The following SHISA9 variants were observed in gnomAD, a reference collection of about 807,000 sequenced individuals.
The protein encoded by SHISA9 is protein shisa-9.
A neutral mutation model predicts 38.0 loss-of-function variants in SHISA9; 13 were observed. The observed-to-expected ratio is 0.34, with a 90% confidence interval of 0.22 to 0.54. SHISA9 has a LOEUF of 0.54. Among genes scored for constraint, SHISA9 ranks in the 20% least tolerant of loss-of-function variants. SHISA9 has a pLI of 0.91. For missense variants in SHISA9, 538 were observed against 575.8 expected, an observed-to-expected ratio of 0.93 and a Z score of 0.67; for synonymous variants, 275 against 242.0, an observed-to-expected ratio of 1.14 and a Z score of -1.27.
intron 2 of SHISA9, among the ~76,000 whole-genome samples, chr16:13,057,098 T>G (rs915323196): frequency 6.6e-6 from 1 of 152,200 alleles, no homozygotes; most frequent in African/African-American, 2.4e-5. Context: ...ATAGGCCCGC[T>G]AGCAGAGGGG....
the SHISA9 span, among the ~76,000 whole-genome samples, chr16:13,306,088 G>A: frequency 1.3e-5 from 2 of 151,966 alleles, no homozygotes; most frequent in African/African-American, 2.4e-5. Flanking sequence ...AGGATTCCAG[G>A]GCTTTGAAGT....
At chr16:13,225,213 A>T (rs988863277) in intron 4 of SHISA9, among the ~76,000 whole-genome samples, 1 of 152,188 alleles carries the variant, frequency 6.6e-6, no homozygotes, top group African/African-American at 2.4e-5. Context: ...ACCACCAGAA[A>T]TTCGAAGAGG....
At chr16:13,433,341 C>G in the SHISA9 span, among the ~76,000 whole-genome samples, 1 of 152,072 alleles carries the variant, frequency 6.6e-6, no homozygotes, top group African/African-American at 2.4e-5. Flanking sequence ...CTGAAGTAAC[C>G]AAAGTATTAA....
chr16:13,475,404 T>C, the SHISA9 span, among the ~76,000 whole-genome samples: 4 of 152,018 alleles, frequency 2.6e-5, no homozygotes, highest in African/African-American at 9.6e-5. Context: ...TTATGAAGTT[T>C]GCCAAAGGTC....
chr16:13,215,926 C>A (rs1336459769), intron 4 of SHISA9, among the ~76,000 whole-genome samples: 1 of 152,154 alleles, frequency 6.6e-6, no homozygotes, highest in Non-Finnish European at 1.5e-5. Context: ...GTGTCTCACA[C>A]CTGTAATCCC....
At chr16:13,033,344 G>A (rs1324225835) in intron 2 of SHISA9, among the ~76,000 whole-genome samples, 1 of 152,124 alleles carries the variant, frequency 6.6e-6, no homozygotes, top group Non-Finnish European at 1.5e-5. Context: ...AATGAATACT[G>A]GACAGGCAAA....
At chr16:13,296,786 G>A in the SHISA9 span, among the ~76,000 whole-genome samples, 1 of 150,836 alleles carries the variant, frequency 6.6e-6, no homozygotes, top group Non-Finnish European at 1.5e-5. Context: ...AGCTACTTGG[G>A]AGGCTGAGGC....
At chr16:13,312,213 C>A in the SHISA9 span, among the ~76,000 whole-genome samples, 15 of 152,160 alleles carry the variant, frequency 9.9e-5, no homozygotes, top group Non-Finnish European at 1.5e-5. Flanking sequence ...AGCATGAAAG[C>A]AGGCATGGAA....
Position 13,087,220 on chromosome 16 carries a change from T to C in SHISA9, c.692-116174T>C, listed in dbSNP as rs868174284. Among the ~76,000 whole-genome samples, 160 of 149,378 alleles carry C rather than the reference T, an allele frequency of 1.1e-3. 1 individual carries two copies. In the Middle Eastern group the frequency reaches 0.017, roughly 16 times the overall value. Reference sequence around the variant, plus strand: ...TACGTGCCACATTTTCTTAATGCAGTCTATCATTGATGGACATTTGGGTTG... The same window carrying C: ...TACGTGCCACATTTTCTTAATGCAGCCTATCATTGATGGACATTTGGGTTG... On this transcript the variant is annotated intron_variant, in intron 2 of 4. Coordinates refer to ENST00000558583, the MANE Select transcript of SHISA9 (RefSeq NM_001145204.3).
At chr16:13,243,275 A>C (rs531642291), downstream of SHISA9, among the ~76,000 whole-genome samples, 9 of 152,074 alleles carry the variant, frequency 5.9e-5, no homozygotes, top group Admixed American at 2.0e-4. Context: ...TATTTTGCTA[A>C]GGTCGAGGAC....
chr16:13,069,036 TTG>T (rs1032153306), intron 2 of SHISA9, among the ~76,000 whole-genome samples: 4 of 151,978 alleles, frequency 2.6e-5, no homozygotes, highest in African/African-American at 4.8e-5. Flanking sequence ...ATGCATATTC[TTG>T]TGTGTACATG....
At chr16:12,909,182 T>C in intron 1 of SHISA9, 1 of 985,860 alleles carries the variant, frequency 1.0e-6, no homozygotes, top group East Asian at 1.1e-4. Context: ...TTGACTTCTC[T>C]TTGGGCACTG....
chr16:13,490,443 T>C, the SHISA9 span, among the ~76,000 whole-genome samples: 1 of 152,104 alleles, frequency 6.6e-6, no homozygotes, highest in Non-Finnish European at 1.5e-5. Flanking sequence ...TGTGCACCTG[T>C]AGTCTCAGCT....
intron 2 of SHISA9, among the ~76,000 whole-genome samples, chr16:12,939,154 G>C (rs1314839399): frequency 6.6e-6 from 1 of 151,944 alleles, no homozygotes; most frequent in Non-Finnish European, 1.5e-5. Flanking sequence ...CACAATCTTG[G>C]CTCACTGCAG....
intron 4 of SHISA9, among the ~76,000 whole-genome samples, chr16:13,214,726 T>C (rs1235735999): frequency 6.6e-6 from 1 of 152,182 alleles, no homozygotes; most frequent in East Asian, 1.9e-4. Context: ...TCACATCTTA[T>C]GTGGATAGCA....
chr16:13,007,430 A>G (rs1334861823), intron 2 of SHISA9, among the ~76,000 whole-genome samples: 2 of 152,004 alleles, frequency 1.3e-5, no homozygotes, highest in African/African-American at 4.8e-5. Flanking sequence ...CCCTCTTTGC[A>G]CAAGTGTTCT....
intron 2 of SHISA9, among the ~76,000 whole-genome samples, chr16:13,075,493 A>G (rs966234805): frequency 1.3e-5 from 2 of 152,104 alleles, no homozygotes; most frequent in African/African-American, 4.8e-5. Flanking sequence ...AGACAGGAAG[A>G]CGGGAAGACG....
chr16:12,980,762 C>A (rs2072230301), intron 2 of SHISA9, among the ~76,000 whole-genome samples: 1 of 151,888 alleles, frequency 6.6e-6, no homozygotes, highest in African/African-American at 2.4e-5. Flanking sequence ...GTCATGACTT[C>A]TTCCTCTGGA....
chr16:13,225,009 C>G (rs1416321015), intron 4 of SHISA9, among the ~76,000 whole-genome samples: 1 of 152,114 alleles, frequency 6.6e-6, no homozygotes, highest in Non-Finnish European at 1.5e-5. Context: ...TTGCAGAGGT[C>G]ATTGAGTTGA....
Sources: gnomAD v4.1 joint callset for allele counts (sites outside exome capture counted in the v4.1 genomes callset) on GRCh38, gnomAD v4.1.1 for gene constraint, MANE v1.5 for transcripts, NCBI Gene and HGNC (gene_info 2026-07-23, HGNC 2026-07-21) for gene names.